The following OR52H1 variants were observed in gnomAD, a reference collection of about 807,000 sequenced individuals.
OR52H1 encodes the protein olfactory receptor family 52 subfamily H member 1, also known as olfactory receptor 52H1.
For synonymous variants in OR52H1, 148 were observed against 138.6 expected (o/e 1.07, Z -0.48); for missense variants, 383 against 396.4 (o/e 0.97, Z 0.29).
Position 5,545,057 on chromosome 11 carries a change from A to T in OR52H1, c.449T>A (p.Ile150Asn). ...GATGATGCAGAAGCTTCGAAAGGAGATGCCCATAGCACTCTTGATGATGGT... is the reference window on the plus strand; with the variant it reads ...GATGATGCAGAAGCTTCGAAAGGAGTTGCCCATAGCACTCTTGATGATGGT... ...PKTIIKSAMG[I>N]SFRSFCIILP... Residue 150 changes from isoleucine (I) to asparagine (N), a missense_variant, in exon 2 of 2, where the codon ATC (isoleucine) becomes AAC (asparagine). Transcript: ENST00000322653. 2 of 1,614,180 alleles carry T rather than the reference A, an allele frequency of 1.2e-6. No individual in the cohort carries two copies. Among genetic ancestry groups the T allele is most frequent in the South Asian group, 1.1e-5 (1 of 91,082 alleles).
chr11:5,545,817 T>C (rs549312573), intron 1 of OR52H1, among the ~76,000 whole-genome samples: 1 of 152,306 alleles, frequency 6.6e-6, no homozygotes, highest in East Asian at 1.9e-4. Flanking sequence ...CAGGAAGCCT[T>C]CCAGACTGGT....
chr11:5,545,344 C>T lies in OR52H1; in HGVS notation c.162G>A (p.Glu54=). The part of the protein sequence containing the change: ...NCILLYLIVV[E]HSLHEPMFFF... ...AGAACATGGGTTCATGAAGACTATGCTCCACCACAATGAGGTAGAGAAGGA... is the reference window on the plus strand; with the variant it reads ...AGAACATGGGTTCATGAAGACTATGTTCCACCACAATGAGGTAGAGAAGGA... The change falls in exon 2 of 2, where the codon GAG becomes GAA. Residue 54 remains glutamate (E), a synonymous_variant. Transcript: ENST00000322653. 1 of 1,614,156 alleles carries T rather than the reference C, an allele frequency of 6.2e-7. No individual in the cohort carries two copies. Among genetic ancestry groups the T allele is most frequent in the Non-Finnish European group, 8.5e-7 (1 of 1,180,026 alleles).
rs753147468 is a variant in OR52H1 at position 5,544,752 on chromosome 11, T to C, written c.754A>G (p.Met252Val). 5 of 1,613,924 alleles carry C rather than the reference T, an allele frequency of 3.1e-6. No individual in the cohort carries two copies. Among genetic ancestry groups the C allele is most frequent in the Non-Finnish European group, 3.4e-6 (4 of 1,179,990 alleles). Residue 252 changes from methionine (M) to valine (V), a missense_variant, in exon 2 of 2, where the codon ATG becomes GTG. Physicochemically the swap from Met to Val is conservative, Grantham distance 21. Transcript: ENST00000322653. The part of the protein sequence containing the change: ...TCGSHVCVIL[M>V]FYTPAFFSIL... ...GAGAAAAAGGCAGGTGTATAAAACATGAGGATGACACAGACATGAGAACCA... is the reference window on the plus strand; with the variant it reads ...GAGAAAAAGGCAGGTGTATAAAACACGAGGATGACACAGACATGAGAACCA...
At chr11:5,547,099 G>A (rs1846865543) in intron 1 of OR52H1, among the ~76,000 whole-genome samples, 1 of 152,056 alleles carries the variant, frequency 6.6e-6, no homozygotes. Flanking sequence ...GGGATTACAG[G>A]CGCCCGCCAC....
chr11:5,544,815 G>C lies in OR52H1; in HGVS notation c.691C>G (p.Pro231Ala), dbSNP rs753197214. The stretch of plus-strand genomic sequence containing the variant: ...GCTTTCTGGCAGGCATCTTGGGAGG[G>C]AAGGCCAAAGACAGCACAGAGGATG... ...AHILCAVFGL[P>A]SQDACQKALG... Residue 231 changes from proline (P) to alanine (A), a missense_variant, in exon 2 of 2, where the codon CCC (proline) becomes GCC (alanine). Pro to Ala is a conservative substitution (Grantham distance 27). Transcript: ENST00000322653. The C allele has an allele frequency of 2.5e-6, 4 of 1,614,160 alleles. No homozygotes were observed. The highest frequency in any genetic ancestry group is 1.6e-4 in the Middle Eastern group (1 of 6,062).
At chr11:5,547,100 C>T (rs1026961389) in intron 1 of OR52H1, among the ~76,000 whole-genome samples, 33 of 152,064 alleles carry the variant, frequency 2.2e-4, no homozygotes, top group African/African-American at 7.5e-4. Flanking sequence ...GGATTACAGG[C>T]GCCCGCCACC....
intron 1 of OR52H1, among the ~76,000 whole-genome samples, chr11:5,547,558 TAC>T (rs58057787): frequency 0.32 from 48,256 of 151,938 alleles, 9,823 homozygotes; most frequent in East Asian, 0.85. Flanking sequence ...CTATTTAAAC[TAC>T]ATGATATTTG....
chr11:5,547,968 C>A (rs779759852), intron 1 of OR52H1, among the ~76,000 whole-genome samples: 33 of 152,108 alleles, frequency 2.2e-4, no homozygotes, highest in Non-Finnish European at 4.0e-4. Context: ...TAATATAGTA[C>A]CTGAAACATA....
rs766149699 is a variant in OR52H1, at chr11:5,545,358, G to A, written c.148C>T (p.Leu50Phe). Residue 50 changes from leucine (L) to phenylalanine (F), a missense_variant, in exon 2 of 2, where the codon CTC becomes TTC. Leu to Phe is a conservative substitution (Grantham distance 22). Coordinates refer to ENST00000322653, the MANE Select transcript of OR52H1 (RefSeq NM_001005289.5). ...AVVGNCILLY[L>F]IVVEHSLHEP... ...TGAAGACTATGCTCCACCACAATGA[G>A]GTAGAGAAGGATGCAGTTTCCCACA... 7 of 1,614,038 alleles carry A rather than the reference G, an allele frequency of 4.3e-6. No homozygotes were observed. The highest frequency in any genetic ancestry group is 5.9e-6 in the Non-Finnish European group (7 of 1,180,038).
chr11:5,545,759 G>T (rs1296958705), intron 1 of OR52H1, among the ~76,000 whole-genome samples: 2 of 152,178 alleles, frequency 1.3e-5, no homozygotes, highest in Non-Finnish European at 1.5e-5. Flanking sequence ...TACCTGAAGA[G>T]AATCTTTTCT....
In OR52H1 at chr11:5,544,746, A is replaced by G. The variant is rs766814480; in HGVS notation, c.760T>C (p.Tyr254His). ...AGGATGGAGAAAAAGGCAGGTGTATAAAACATGAGGATGACACAGACATGA... is the reference window on the plus strand; with the variant it reads ...AGGATGGAGAAAAAGGCAGGTGTATGAAACATGAGGATGACACAGACATGA... ...GSHVCVILMFYTPAFFSILAH... is the reference protein window; with the variant it reads ...GSHVCVILMFHTPAFFSILAH... The change falls in exon 2 of 2, where the codon TAT (tyrosine) becomes CAT (histidine). Residue 254 changes from tyrosine to histidine, a missense_variant. Physicochemically the swap from Tyr to His is moderately conservative, Grantham distance 83. Transcript: ENST00000322653. The G allele has an allele frequency of 1.2e-6, 2 of 1,614,174 alleles. No homozygotes were observed.
Position 5,544,926 on chromosome 11 carries a change from T to C in OR52H1, c.580A>G (p.Ile194Val). The change falls in exon 2 of 2, where the codon ATC becomes GTC. Residue 194 changes from isoleucine (I) to valine (V), a missense_variant. Physicochemically the swap from Ile to Val is conservative, Grantham distance 29. Transcript: ENST00000322653. ...AAGCCATACCAGAAGTTGATGGAGA[T>C]ATCAGCACAGGCGAGCTGGGCAACA... ...IGVAQLACAD[I>V]SINFWYGFCV... 1 of 1,614,122 alleles carries C rather than the reference T, an allele frequency of 6.2e-7. No individual in the cohort carries two copies. Among genetic ancestry groups the C allele is most frequent in the Non-Finnish European group, 8.5e-7 (1 of 1,180,014 alleles).
rs1846823112 is a variant in OR52H1 at position 5,544,735 on chromosome 11, G to A, written c.771C>T (p.Ala257=). 1 of 1,614,140 alleles carries A rather than the reference G, an allele frequency of 6.2e-7. No homozygotes were observed. Among genetic ancestry groups the A allele is most frequent in the Non-Finnish European group, 8.5e-7 (1 of 1,180,040 alleles). The change falls in exon 2 of 2, where the codon GCC becomes GCT. Residue 257 remains alanine, a synonymous_variant. Coordinates refer to ENST00000322653, the MANE Select transcript of OR52H1 (RefSeq NM_001005289.5). ...VCVILMFYTP[A]FFSILAHRFG... ...AGCGATGGGCGAGGATGGAGAAAAA[G>A]GCAGGTGTATAAAACATGAGGATGA...
At position 5,544,881 on chromosome 11, in the gene OR52H1, C is replaced by A. The variant is rs763117537; in HGVS notation, c.625G>T (p.Val209Phe). 3 of 1,613,982 alleles carry A rather than the reference C, an allele frequency of 1.9e-6. No homozygotes were observed. The highest frequency in any genetic ancestry group is 2.5e-6 in the Non-Finnish European group (3 of 1,179,928). The change falls in exon 2 of 2, where the codon GTC becomes TTC. Residue 209 changes from valine to phenylalanine, a missense_variant. Coordinates refer to ENST00000322653, the MANE Select transcript of OR52H1 (RefSeq NM_001005289.5). The part of the protein sequence containing the change: ...WYGFCVPIMT[V>F]ISDVILIAVS... ...GCAATGAGAATCACATCTGAGATGA[C>A]CGTCATGATGGGAACACAAAAGCCA...
intron 1 of OR52H1, among the ~76,000 whole-genome samples, chr11:5,547,773 G>A (rs187230695): frequency 6.6e-6 from 1 of 152,048 alleles, no homozygotes; most frequent in Admixed American, 6.5e-5. Flanking sequence ...AGACTCCCGA[G>A]TAGCTGGGAT....
intron 1 of OR52H1, among the ~76,000 whole-genome samples, chr11:5,546,367 A>C (rs1230400252): frequency 6.6e-6 from 1 of 152,126 alleles, no homozygotes; most frequent in Non-Finnish European, 1.5e-5. Flanking sequence ...TCTCAAACAC[A>C]GACCCTTAAT....
intron 1 of OR52H1, 66 bp from the exon 2 acceptor site, chr11:5,545,601 A>G: frequency 7.5e-7 from 1 of 1,338,560 alleles, no homozygotes; most frequent in South Asian, 1.4e-5. Flanking sequence ...ACTAATTATA[A>G]TTATTGCCTC....
chr11:5,545,895 G>GA (rs1846846385), intron 1 of OR52H1, among the ~76,000 whole-genome samples: 1 of 151,998 alleles, frequency 6.6e-6, no homozygotes, highest in Admixed American at 6.6e-5. Context: ...TTTTCATGGT[G>GA]GATTATAGCT....
At position 5,546,593 on chromosome 11, in the gene OR52H1, A is replaced by G. The variant is rs78118262; in HGVS notation, c.-30-1058T>C. ...TTCCTAAAACCTCTCCACTGGTCCT[A>G]TACCTTCTTCCCCAGTAATGCCTCT... is the stretch of plus-strand genomic sequence containing the variant. On this transcript the variant is annotated intron_variant, in intron 1 of 1. Transcript: ENST00000322653. Among the ~76,000 whole-genome samples, 221 of 152,264 alleles carry G rather than the reference A, an allele frequency of 1.5e-3. 1 individual carries two copies. The highest frequency in any genetic ancestry group is 5.1e-3 in the African/African-American group (212 of 41,548).
Sources: allele counts gnomAD v4.1 joint callset (sites outside exome capture counted in the v4.1 genomes callset), GRCh38; gene constraint gnomAD v4.1.1; transcripts MANE v1.5; gene names NCBI Gene and HGNC (gene_info 2026-07-23, HGNC 2026-07-21).